The following CLDN16 variants were observed in gnomAD, a reference collection of about 807,000 sequenced individuals.
CLDN16 encodes the protein claudin-16.
CLDN16 carries 13 observed loss-of-function variants against 24.6 expected under a neutral mutation model. The observed-to-expected ratio is 0.53, with a 90% confidence interval of 0.34 to 0.84. The LOEUF is 0.84. CLDN16 is among the 40% of genes least tolerant of loss of function. The probability of loss-of-function intolerance (pLI) is 0.01; values close to 1 mark genes in which losing one functional copy is unlikely to be tolerated. For missense variants in CLDN16, 298 were observed against 292.7 expected, an observed-to-expected ratio of 1.02 and a Z score of -0.13; for synonymous variants, 116 against 106.7, an observed-to-expected ratio of 1.09 and a Z score of -0.54.
intron 1 of CLDN16, among the ~76,000 whole-genome samples, chr3:190,330,043 CT>C (rs765209444): frequency 0.046 from 6,955 of 151,852 alleles, 201 homozygotes; most frequent in South Asian, 0.082. Flanking sequence ...ACCGTCCCCC[CT>C]CCACCAGCAT....
chr3:190,399,849 A>ACCGCCTAATGGTGGACAGAAGCT (rs1718918668), intron 1 of CLDN16, among the ~76,000 whole-genome samples: 1 of 152,120 alleles, frequency 6.6e-6, no homozygotes, highest in Admixed American at 6.5e-5. Flanking sequence ...AGTGAGCATT[A>ACCGCCTAATGGTGGACAGAAGCT]CCGCCTAATG....
intron 1 of CLDN16, among the ~76,000 whole-genome samples, chr3:190,348,575 T>G: frequency 6.6e-6 from 1 of 152,204 alleles, no homozygotes; most frequent in East Asian, 1.9e-4. Flanking sequence ...TATGCTTTCA[T>G]GTCTGTTTAT....
chr3:190,364,243 G>A (rs868648367), intron 1 of CLDN16, among the ~76,000 whole-genome samples: 3 of 151,586 alleles, frequency 2.0e-5, no homozygotes, highest in African/African-American at 7.3e-5. Context: ...CAGATAATAG[G>A]ACACCCACAT....
intron 3 of CLDN16, among the ~76,000 whole-genome samples, chr3:190,381,104 T>A (rs536000070): frequency 6.6e-6 from 1 of 152,148 alleles, no homozygotes; most frequent in South Asian, 2.1e-4. Flanking sequence ...AGGCTGCAAA[T>A]TCAGGAAGCC....
chr3:190,404,794 A>G lies in CLDN16; in HGVS notation c.250A>G (p.Thr84Ala). 1 of 1,614,128 alleles carries G rather than the reference A, an allele frequency of 6.2e-7. No individual in the cohort carries two copies. The highest frequency in any genetic ancestry group is 8.5e-7 in the Non-Finnish European group (1 of 1,180,016). ...KLVVTRALMI[T>A]ADILAGFGFL... Reference sequence around the variant, plus strand: ...GGTGGTAACTCGAGCGTTGATGATTACTGCAGATATTCTAGCTGGGTTTGG... The same window carrying G: ...GGTGGTAACTCGAGCGTTGATGATTGCTGCAGATATTCTAGCTGGGTTTGG... Residue 84 changes from threonine (T) to alanine (A), a missense_variant, in exon 3 of 5, where the codon ACT (threonine) becomes GCT (alanine). Physicochemically the swap from Thr to Ala is moderately conservative, Grantham distance 58. Transcript: ENST00000264734.
the CLDN16 span, among the ~76,000 whole-genome samples, chr3:190,302,779 A>AAAATAT: frequency 1.1e-4 from 15 of 140,208 alleles, no homozygotes; most frequent in East Asian, 1.6e-3. Flanking sequence ...CTCAAAAAAA[A>AAAATAT]ATATATATAT....
At chr3:190,397,329 TAGA>T (rs3836451) in intron 1 of CLDN16, among the ~76,000 whole-genome samples, 29,935 of 152,034 alleles carry the variant, frequency 0.2, 3,185 homozygotes, top group East Asian at 0.37. Context: ...AGTTGCATGT[TAGA>T]AGGAGAAATT....
intron 3 of CLDN16, among the ~76,000 whole-genome samples, chr3:190,374,913 TAAAAATAAAGGTAGAG>T (rs1718216806): frequency 6.6e-6 from 1 of 151,952 alleles, no homozygotes; most frequent in Admixed American, 6.6e-5. Context: ...CTTGATATCT[TAAAAATAAAGGTAGAG>T]AATAGGGAAC....
At position 190,325,651 on chromosome 3, in the gene CLDN16, G is replaced by A. The variant is rs139737718; in HGVS notation, n.121+2990G>A. On this transcript the variant is annotated intron_variant and non_coding_transcript_variant, in intron 1 of 4. Transcript: ENST00000468220. ...CAGAAGCAAAGGTAAGACTGTGAGT[G>A]TCAGAAGAGAGTGTAGACAAAGAAC... 9.7e-4 allele frequency among the ~76,000 whole-genome samples: 148 copies of A among 152,320 alleles called. 5 individuals are homozygous for A. In the East Asian group the frequency reaches 0.023, roughly 23 times the overall value.
upstream of CLDN16, among the ~76,000 whole-genome samples, chr3:190,383,987 C>T (rs1479071927): frequency 6.6e-6 from 1 of 152,134 alleles, no homozygotes; most frequent in African/African-American, 2.4e-5. Flanking sequence ...ATTCATAATT[C>T]TCATTTTATT....
At chr3:190,316,304 G>T in the CLDN16 span, among the ~76,000 whole-genome samples, 1 of 152,072 alleles carries the variant, frequency 6.6e-6, no homozygotes, top group Non-Finnish European at 1.5e-5. Flanking sequence ...CAATTTATTT[G>T]TATGTTCCAA....
intron 1 of CLDN16, among the ~76,000 whole-genome samples, chr3:190,325,325 A>AT (rs142400549): frequency 0.053 from 7,984 of 150,196 alleles, 300 homozygotes; most frequent in East Asian, 0.15. Flanking sequence ...ATCGAGGACA[A>AT]TTTTTTTTTT....
chr3:190,380,878 A>G (rs1718356738), intron 3 of CLDN16, among the ~76,000 whole-genome samples: 1 of 152,130 alleles, frequency 6.6e-6, no homozygotes, highest in Admixed American at 6.6e-5. Flanking sequence ...CTTATTGAGA[A>G]GAAGGAAATG....
intron 2 of CLDN16, chr3:190,374,461 G>A (rs1231605238): frequency 6.6e-6 from 1 of 151,900 alleles, no homozygotes; most frequent in Non-Finnish European, 1.5e-5. Flanking sequence ...GGAGTGGCAA[G>A]CTAAGTGTTT....
intron 1 of CLDN16, among the ~76,000 whole-genome samples, chr3:190,344,075 T>C (rs1416813972): frequency 1.3e-5 from 2 of 152,090 alleles, no homozygotes; most frequent in African/African-American, 4.8e-5. Context: ...CATCATGTTG[T>C]ATAACTTAAA....
In CLDN16 at chr3:190,409,933, C is replaced by T; in HGVS notation, c.605C>T (p.Ser202Phe). 1 of 1,613,916 alleles carries T rather than the reference C, an allele frequency of 6.2e-7. No individual in the cohort carries two copies. The highest frequency in any genetic ancestry group is 2.2e-5 in the East Asian group (1 of 44,862). Residue 202 changes from serine (S) to phenylalanine (F), a missense_variant, in exon 5 of 5, where the codon TCC becomes TTC. Coordinates refer to ENST00000264734, the MANE Select transcript of CLDN16 (RefSeq NM_006580.4). ...GGACCTGAGAGAAACTATCCTTATTCCTTGAGGAAAGCCTATTCAGCCGCG... is the reference window on the plus strand; with the variant it reads ...GGACCTGAGAGAAACTATCCTTATTTCTTGAGGAAAGCCTATTCAGCCGCG... Reference protein sequence around the residue: ...DVGPERNYPYSLRKAYSAAGV... With the variant: ...DVGPERNYPYFLRKAYSAAGV...
rs886058251 is a variant in CLDN16 at position 190,411,369 on chromosome 3, A to G, written c.*1333A>G. On this transcript the variant is annotated 3_prime_UTR_variant, in exon 5 of 5. Transcript: ENST00000264734. The stretch of plus-strand genomic sequence containing the variant: ...AAGTCGCTAATGACATTTCATTCAT[A>G]TTCATAATGTAACCATCTTGAATTT... The G allele has an allele frequency of 6.6e-6, 1 of 152,222 alleles. No individual in the cohort carries two copies. Among genetic ancestry groups the G allele is most frequent in the Non-Finnish European group, 1.5e-5 (1 of 68,038 alleles). The allele number at this position is 152,222 out of a possible 1,614,324, so 9.4% of individuals were successfully genotyped here.
At chr3:190,379,681 T>C (rs756931106) in intron 3 of CLDN16, among the ~76,000 whole-genome samples, 21 of 152,112 alleles carry the variant, frequency 1.4e-4, no homozygotes, top group Non-Finnish European at 2.5e-4. Flanking sequence ...AAAGCATCCC[T>C]GCTCCTAAGT....
At chr3:190,365,410 A>G (rs190968701) in intron 1 of CLDN16, among the ~76,000 whole-genome samples, 1 of 151,668 alleles carries the variant, frequency 6.6e-6, no homozygotes. Context: ...TCCATAGAAT[A>G]TAGTTGGATG....
Sources: gnomAD v4.1 joint callset for allele counts (sites outside exome capture counted in the v4.1 genomes callset) on GRCh38, gnomAD v4.1.1 for gene constraint, MANE v1.5 for transcripts, NCBI Gene and HGNC (gene_info 2026-07-23, HGNC 2026-07-21) for gene names.